Variants in ARHGAP25 observed in about 807,000 individuals in gnomAD.
The protein encoded by ARHGAP25 is rho GTPase-activating protein 25.
ARHGAP25 carries 34 observed loss-of-function variants against 71.0 expected under a neutral mutation model. The observed-to-expected ratio is 0.48, with a 90% CI of 0.36 to 0.64. The LOEUF (loss-of-function observed/expected upper bound fraction) is 0.64. Among genes scored for constraint, ARHGAP25 ranks in the 30% least tolerant of loss-of-function variants. The pLI is 0.00. For missense variants in ARHGAP25, 706 were observed against 805.1 expected, an observed-to-expected ratio of 0.88 and a Z score of 1.49; for synonymous variants, 282 against 296.5, an observed-to-expected ratio of 0.95 and a Z score of 0.50.
At chr2:68,820,855 T>C (rs1166487334) in intron 9 of ARHGAP25, among the ~76,000 whole-genome samples, 4 of 150,640 alleles carry the variant, frequency 2.7e-5, no homozygotes, top group African/African-American at 9.8e-5. Flanking sequence ...TGTAGTATAA[T>C]TCTCTCTCTC....
chr2:68,796,613 G>C (rs1157253515), intron 4 of ARHGAP25, among the ~76,000 whole-genome samples: 1 of 152,216 alleles, frequency 6.6e-6, no homozygotes, highest in African/African-American at 2.4e-5. Flanking sequence ...GTCATAAATA[G>C]CCTTAGTGGT....
chr2:68,775,531 C>T (rs1677823845), intron 2 of ARHGAP25, 111 bp downstream of exon 2: 6 of 1,516,404 alleles, frequency 4.0e-6, no homozygotes, highest in Non-Finnish European at 5.4e-6. Flanking sequence ...CCAGACACAC[C>T]CATTGGAAAG....
intron 2 of ARHGAP25, among the ~76,000 whole-genome samples, chr2:68,777,700 A>G (rs1349795459): frequency 6.6e-6 from 1 of 152,232 alleles, no homozygotes; most frequent in African/African-American, 2.4e-5. Context: ...ATGCATTGAT[A>G]AAATCCAACA....
At chr2:68,809,446 A>T (rs1031494546) in intron 5 of ARHGAP25, among the ~76,000 whole-genome samples, 5 of 152,170 alleles carry the variant, frequency 3.3e-5, no homozygotes, top group African/African-American at 4.8e-5. Context: ...CCAGTGTTAG[A>T]TGATTTCCTG....
chr2:68,759,406 A>C (rs1676669241), intron 1 of ARHGAP25, among the ~76,000 whole-genome samples: 1 of 151,858 alleles, frequency 6.6e-6, no homozygotes, highest in African/African-American at 2.4e-5. Flanking sequence ...GGGTATTACC[A>C]CCTATTCTAC....
intron 1 of ARHGAP25, among the ~76,000 whole-genome samples, chr2:68,747,553 T>C (rs2104306401): frequency 6.6e-6 from 1 of 152,324 alleles, no homozygotes; most frequent in Non-Finnish European, 1.5e-5. Context: ...GCCCTTTCCA[T>C]GGCTTTAAGT....
At chr2:68,761,328 G>A (rs934436141) in intron 1 of ARHGAP25, among the ~76,000 whole-genome samples, 4 of 151,944 alleles carry the variant, frequency 2.6e-5, no homozygotes, top group Admixed American at 6.6e-5. Flanking sequence ...ACTGAATTTG[G>A]CAATGATTTC....
chr2:68,805,102 A>G (rs888218658), intron 4 of ARHGAP25, among the ~76,000 whole-genome samples: 1 of 152,140 alleles, frequency 6.6e-6, no homozygotes, highest in Non-Finnish European at 1.5e-5. Flanking sequence ...GAGGAGAAAA[A>G]GAATTTTGTC....
rs145699675 is a variant in ARHGAP25, at chr2:68,750,804, C to T, written c.61+15544C>T. On this transcript the variant is annotated intron_variant, in intron 1 of 10. Coordinates refer to ENST00000409202, the MANE Select transcript of ARHGAP25 (RefSeq NM_001007231.3). The stretch of plus-strand genomic sequence containing the variant: ...GCACAGAAGAGGGTGGAGGCCGGGC[C>T]GGCCCCAGATCCTGCTCACACAGGG... Among the ~76,000 whole-genome samples, 1,312 of 152,256 alleles carry T rather than the reference C, an allele frequency of 8.6e-3. 23 individuals carry two copies. Among genetic ancestry groups the T allele is most frequent in the African/African-American group, 0.03 (1,230 of 41,534 alleles).
rs551190718 is a variant in ARHGAP25, at chr2:68,734,933, G to T, written c.-267G>T. ...TCTGGTAAAACTGAAAGCAAGAAAA[G>T]CAGGGTGCTAGCCCCTGTGGGACTG... is the stretch of plus-strand genomic sequence containing the variant. On this transcript the variant is annotated 5_prime_UTR_variant, in exon 1 of 11. Transcript: ENST00000409202. The T allele has an allele frequency of 4.1e-6, 2 of 483,426 alleles. No homozygotes were observed. Among genetic ancestry groups the T allele is most frequent in the Non-Finnish European group, 7.3e-6 (2 of 272,206 alleles). The allele number at this position is 483,426 out of a possible 1,614,324, so 29.9% of individuals were successfully genotyped here.
Position 68,779,664 on chromosome 2 carries a change from A to G in ARHGAP25, c.262-2569A>G, listed in dbSNP as rs985544274. On this transcript the variant is annotated intron_variant, in intron 2 of 10. Transcript: ENST00000409202. ...CTGCCACAGCTGTCTCCATTGCTTT[A>G]CTGCTGAAGGACTTGTGGCCTCCTG... is the stretch of plus-strand genomic sequence containing the variant. 3.9e-5 allele frequency among the ~76,000 whole-genome samples: 6 copies of G among 152,342 alleles called. No homozygotes were observed. The South Asian group carries it at 1.0e-3, about 26-fold the overall frequency.
intron 2 of ARHGAP25, among the ~76,000 whole-genome samples, chr2:68,718,926 C>A (rs1674685934): frequency 6.6e-6 from 1 of 152,034 alleles, no homozygotes; most frequent in Non-Finnish European, 1.5e-5. Context: ...CTGGGGAGGG[C>A]AGAAGAGCTA....
chr2:68,760,335 C>A (rs138683153), intron 1 of ARHGAP25, among the ~76,000 whole-genome samples: 1 of 151,908 alleles, frequency 6.6e-6, no homozygotes, highest in African/African-American at 2.4e-5. Flanking sequence ...AAGCCCTAGA[C>A]AGAGGAACTA....
intron 1 of ARHGAP25, among the ~76,000 whole-genome samples, chr2:68,763,569 A>G (rs942665424): frequency 1.3e-5 from 2 of 152,198 alleles, no homozygotes; most frequent in African/African-American, 4.8e-5. Context: ...GAATTTATCA[A>G]AAGCAAGTTC....
At position 68,775,560 on chromosome 2, in the gene ARHGAP25, A is replaced by T. The variant is rs760501620; in HGVS notation, c.261+140A>T. Reference sequence around the variant, plus strand: ...TGGAAAGGAAATTGCTTTTCCCTTTACACCATTTTCTAGATACATAAACTG... The same window carrying T: ...TGGAAAGGAAATTGCTTTTCCCTTTTCACCATTTTCTAGATACATAAACTG... On this transcript the variant is annotated intron_variant, in intron 2 of 10. Transcript: ENST00000409202. 4.0e-5 allele frequency: 53 copies of T among 1,311,692 alleles called. No individual in the cohort carries two copies. The South Asian group carries it at 5.8e-4, about 14-fold the overall frequency. 81.3% of individuals were successfully genotyped at this position (1,311,692 alleles called of 1,614,324 possible).
intron 2 of ARHGAP25, among the ~76,000 whole-genome samples, chr2:68,777,754 T>C (rs1419070266): frequency 6.6e-6 from 1 of 152,194 alleles, no homozygotes; most frequent in African/African-American, 2.4e-5. Flanking sequence ...CCTTTAGGAA[T>C]ACAATAATAA....
intron 6 of ARHGAP25, among the ~76,000 whole-genome samples, chr2:68,814,849 T>G (rs1254828614): frequency 1.3e-5 from 2 of 152,202 alleles, no homozygotes; most frequent in Non-Finnish European, 2.9e-5. Context: ...TTAGATTGCA[T>G]GGATCTGAGG....
intron 9 of ARHGAP25, among the ~76,000 whole-genome samples, chr2:68,820,417 G>A (rs1681558192): frequency 6.6e-6 from 1 of 152,152 alleles, no homozygotes; most frequent in African/African-American, 2.4e-5. Context: ...GCACTAGCTT[G>A]TTATAGAGGA....
At chr2:68,748,073 T>A (rs1210879480) in intron 1 of ARHGAP25, among the ~76,000 whole-genome samples, 2 of 152,150 alleles carry the variant, frequency 1.3e-5, no homozygotes, top group African/African-American at 2.4e-5. Flanking sequence ...AAATTCAAAC[T>A]CATGATCTAT....
Sources: allele counts gnomAD v4.1 joint callset (sites outside exome capture counted in the v4.1 genomes callset), GRCh38; gene constraint gnomAD v4.1.1; transcripts MANE v1.5; gene names NCBI Gene and HGNC (gene_info 2026-07-23, HGNC 2026-07-21).